The following SCN9A variants were observed in gnomAD, a reference collection of about 807,000 sequenced individuals.
SCN9A encodes the protein sodium voltage-gated channel alpha subunit 9, also known as sodium channel protein type 9 subunit alpha.
Under a neutral mutation model 187.0 loss-of-function variants are expected in SCN9A, and 131 were observed. That is an observed-to-expected ratio of 0.70 (90% CI 0.61 to 0.81). SCN9A has a LOEUF of 0.81. SCN9A is among the 30% of genes least tolerant of loss of function. The pLI is 0.00. For synonymous variants in SCN9A, 809 were observed against 808.6 expected (o/e 1.00, Z -0.01); for missense variants, 2,252 against 2,396.6 (o/e 0.94, Z 1.26).
intron 1 of SCN9A, among the ~76,000 whole-genome samples, chr2:166,374,806 A>T (rs1437512705): frequency 6.6e-6 from 1 of 152,088 alleles, no homozygotes; most frequent in East Asian, 1.9e-4. Flanking sequence ...TTGAAAGCTT[A>T]CTTTGATTTG....
chr2:166,365,059 G>A (rs927577489), intron 1 of SCN9A, among the ~76,000 whole-genome samples: 3 of 151,898 alleles, frequency 2.0e-5, no homozygotes, highest in Non-Finnish European at 2.9e-5. Flanking sequence ...AAAATTGATC[G>A]AAATATACAA....
chr2:166,328,639 A>G (rs1162439834), intron 1 of SCN9A, among the ~76,000 whole-genome samples: 1 of 152,200 alleles, frequency 6.6e-6, no homozygotes, highest in African/African-American at 2.4e-5. Flanking sequence ...AGGCAGAAGG[A>G]AAAGATCTTA....
At chr2:166,278,058 C>A in intron 15 of SCN9A, 82 bp downstream of exon 15, 2 of 1,177,696 alleles carry the variant, frequency 1.7e-6, no homozygotes. Context: ...ATTCAAATTC[C>A]CAAAAGTTTT....
intron 1 of SCN9A, among the ~76,000 whole-genome samples, chr2:166,339,959 A>T (rs967173988): frequency 1.3e-5 from 2 of 152,138 alleles, no homozygotes; most frequent in African/African-American, 4.8e-5. Flanking sequence ...AAATGATTTA[A>T]CCTCAGGAAC....
At chr2:166,293,447 A>T in intron 8 of SCN9A, 75 bp from the exon 9 acceptor site, 1 of 1,311,286 alleles carries the variant, frequency 7.6e-7, no homozygotes. Context: ...GAAAAGTTAC[A>T]AACTCAAGGT....
chr2:166,256,245 A>G (rs895802167), intron 17 of SCN9A, among the ~76,000 whole-genome samples: 10 of 151,382 alleles, frequency 6.6e-5, no homozygotes, highest in Non-Finnish European at 1.2e-4. Flanking sequence ...GGTCATTAAT[A>G]TTATTGATAT....
intron 21 of SCN9A, among the ~76,000 whole-genome samples, chr2:166,231,340 ATCTT>A (rs1437971139): frequency 6.6e-6 from 1 of 152,150 alleles, no homozygotes; most frequent in Non-Finnish European, 1.5e-5. Context: ...TATAATCATG[ATCTT>A]TCTTTTATAC....
chr2:166,347,472 C>A (rs1227327015), intron 1 of SCN9A, among the ~76,000 whole-genome samples: 1 of 152,108 alleles, frequency 6.6e-6, no homozygotes, highest in Non-Finnish European at 1.5e-5. Flanking sequence ...ATCAACATGC[C>A]TAGTGGTTGA....
At chr2:166,273,330 G>T (rs1379220341) in intron 16 of SCN9A, among the ~76,000 whole-genome samples, 1 of 152,058 alleles carries the variant, frequency 6.6e-6, no homozygotes, top group African/African-American at 2.4e-5. Flanking sequence ...AAAGATCTTT[G>T]TTCACTTTAC....
chr2:166,335,835 CTT>C (rs1398750083), intron 1 of SCN9A, among the ~76,000 whole-genome samples: 9 of 152,100 alleles, frequency 5.9e-5, no homozygotes, highest in Admixed American at 3.9e-4. Context: ...CAACTTGAAA[CTT>C]GGGCTTAAAG....
At chr2:166,311,895 T>C in intron 1 of SCN9A, 89 bp from the exon 2 acceptor site, 1 of 738,856 alleles carries the variant, frequency 1.4e-6, no homozygotes, top group Non-Finnish European at 2.1e-6. Context: ...AAACAGATTT[T>C]TAGTTTCAAC....
rs199784484 is a variant in SCN9A, at chr2:166,303,169, T to C, written c.822A>G (p.Lys274=). The change falls in exon 7 of 27, where the codon AAA becomes AAG. Residue 274 remains lysine, a synonymous_variant. Transcript: ENST00000642356. The part of the protein sequence containing the change: ...LQLFMGNLKH[K]CFRNSLENNE... ...TATTTTCAAGTGAATTTCGAAAACA[T>C]TTATGCTTCAGGTTTCCCATGAACA... The C allele has an allele frequency of 2.9e-5, 46 of 1,613,246 alleles. No homozygotes were observed. The highest frequency in any genetic ancestry group is 3.8e-5 in the Non-Finnish European group (45 of 1,179,516).
At chr2:166,374,017 T>G (rs1220226797) in intron 1 of SCN9A, among the ~76,000 whole-genome samples, 1 of 152,224 alleles carries the variant, frequency 6.6e-6, no homozygotes, top group Non-Finnish European at 1.5e-5. Context: ...CTATTTTGCT[T>G]CTGAAACTCA....
At position 166,242,548 on chromosome 2, in the gene SCN9A, A is replaced by G; in HGVS notation, c.3581T>C (p.Phe1194Ser). 1 of 1,594,452 alleles carries G rather than the reference A, an allele frequency of 6.3e-7. No individual in the cohort carries two copies. The highest frequency in any genetic ancestry group is 8.5e-7 in the Non-Finnish European group (1 of 1,169,822). The change falls in exon 19 of 27, where the codon TTT (phenylalanine) becomes TCT (serine). Residue 1194 changes from phenylalanine (F) to serine (S), a missense_variant. By Grantham distance (155) the Phe-to-Ser change is radical. This residue lies in a region of SCN9A where 313 missense variants were observed against 295.3 expected (regional missense o/e 1.06). Coordinates refer to ENST00000642356, the MANE Select transcript of SCN9A (RefSeq NM_001365536.1). ...GATCATGAGGACAATGAAGCTTTCA[A>G]ACCAACTGTGTTCAACAATCTTGTA... The part of the protein sequence containing the change: ...TCYKIVEHSW[F>S]ESFIVLMILL...
intron 1 of SCN9A, among the ~76,000 whole-genome samples, chr2:166,321,678 A>G (rs1158165829): frequency 6.6e-6 from 1 of 152,176 alleles, no homozygotes; most frequent in Non-Finnish European, 1.5e-5. Context: ...ATGATAAACC[A>G]AAAAGGGTAA....
At chr2:166,345,645 T>C (rs1699883700) in intron 1 of SCN9A, among the ~76,000 whole-genome samples, 1 of 151,996 alleles carries the variant, frequency 6.6e-6, no homozygotes, top group South Asian at 2.1e-4. Flanking sequence ...AAAACAGATA[T>C]AATTGCCAGA....
chr2:166,237,324 C>A (rs532767355), intron 20 of SCN9A, among the ~76,000 whole-genome samples: 2 of 151,922 alleles, frequency 1.3e-5, no homozygotes, highest in Non-Finnish European at 2.9e-5. Flanking sequence ...CAATCAGAAG[C>A]CTGTAAAAAT....
At chr2:166,372,610 A>T (rs184127871) in intron 1 of SCN9A, among the ~76,000 whole-genome samples, 1 of 152,182 alleles carries the variant, frequency 6.6e-6, no homozygotes, top group Non-Finnish European at 1.5e-5. Context: ...ACCTTTAAGT[A>T]CATTATCACC....
At chr2:166,289,094 A>C (rs1046218936) in intron 9 of SCN9A, among the ~76,000 whole-genome samples, 1 of 152,020 alleles carries the variant, frequency 6.6e-6, no homozygotes, top group African/African-American at 2.4e-5. Context: ...TTCATCTCAT[A>C]GGTATTTTCA....
Sources: allele counts gnomAD v4.1 joint callset (sites outside exome capture counted in the v4.1 genomes callset), GRCh38; gene constraint gnomAD v4.1.1; regional missense constraint gnomAD v4.1.1; transcripts MANE v1.5; gene names NCBI Gene and HGNC (gene_info 2026-07-23, HGNC 2026-07-21).